Variants in KIAA1217 observed in about 807,000 individuals in gnomAD.
KIAA1217 encodes the protein sickle tail protein homolog.
Under a neutral mutation model 163.9 loss-of-function variants are expected in KIAA1217, and 88 were observed. The observed-to-expected ratio is 0.54, with a 90% CI of 0.45 to 0.64. The LOEUF is 0.64. Among genes scored for constraint, KIAA1217 ranks in the 30% least tolerant of loss-of-function variants. KIAA1217 has a pLI of 0.00. For missense variants in KIAA1217, 2,372 were observed against 2,475.0 expected, an observed-to-expected ratio of 0.96 and a Z score of 0.88; for synonymous variants, 903 against 923.1, an observed-to-expected ratio of 0.98 and a Z score of 0.39.
At chr10:24,008,839 G>A (rs949133253) in intron 2 of KIAA1217, among the ~76,000 whole-genome samples, 3 of 152,192 alleles carry the variant, frequency 2.0e-5, no homozygotes, top group African/African-American at 7.2e-5. Flanking sequence ...AGACCTGGCA[G>A]TCAATATGAT....
chr10:24,312,244 G>A (rs1590858440), intron 2 of KIAA1217, among the ~76,000 whole-genome samples: 1 of 151,762 alleles, frequency 6.6e-6, no homozygotes, highest in Admixed American at 6.6e-5. Flanking sequence ...ACACAGACAT[G>A]GCCGGAAGCC....
chr10:23,716,077 C>T (rs574789226), intron 1 of KIAA1217, among the ~76,000 whole-genome samples: 5 of 152,202 alleles, frequency 3.3e-5, no homozygotes, highest in African/African-American at 7.2e-5. Context: ...TAAGCTTTTA[C>T]GGAAGCGTTC....
chr10:23,742,821 G>A (rs569423206), intron 1 of KIAA1217, among the ~76,000 whole-genome samples: 2 of 152,300 alleles, frequency 1.3e-5, no homozygotes, highest in South Asian at 4.1e-4. Context: ...GAACAGCCAA[G>A]GTACAATGAA....
intron 2 of KIAA1217, among the ~76,000 whole-genome samples, chr10:24,093,297 A>C (rs967598683): frequency 4.0e-5 from 6 of 151,628 alleles, no homozygotes. Context: ...CAGCCTCCCT[A>C]GTAGCTGGGA....
intron 2 of KIAA1217, among the ~76,000 whole-genome samples, chr10:24,110,546 C>A (rs2062807228): frequency 6.6e-6 from 1 of 151,702 alleles, no homozygotes; most frequent in Admixed American, 6.6e-5. Flanking sequence ...TATGCAAAAT[C>A]CTGCCCAGTA....
chr10:24,547,153 C>G lies in KIAA1217; in HGVS notation c.*829C>G, dbSNP rs1315267405. ...CTTTTGTTTTCTGAGACCTGGTAAC[C>G]CACGCTCTTGCATTGTGGATTTTAA... On this transcript the variant is annotated 3_prime_UTR_variant, in exon 21 of 21. Coordinates refer to ENST00000376454, the MANE Select transcript of KIAA1217 (RefSeq NM_019590.5). 6.6e-6 allele frequency: 1 copy of G among 151,296 alleles called. No individual in the cohort carries two copies. The highest frequency in any genetic ancestry group is 1.5e-5 in the Non-Finnish European group (1 of 67,876). 9.4% of individuals were successfully genotyped at this position (151,296 alleles called of 1,614,324 possible).
At chr10:24,477,334 C>G (rs2064157563) in intron 6 of KIAA1217, among the ~76,000 whole-genome samples, 1 of 152,146 alleles carries the variant, frequency 6.6e-6, no homozygotes, top group African/African-American at 2.4e-5. Flanking sequence ...TCATCATCTC[C>G]TTTTTACAGA....
chr10:24,320,624 A>G (rs915832047), intron 2 of KIAA1217, among the ~76,000 whole-genome samples: 2 of 152,226 alleles, frequency 1.3e-5, no homozygotes, highest in African/African-American at 4.8e-5. Flanking sequence ...CTGAGAAAAC[A>G]CTGTCATTTT....
chr10:23,815,540 A>T (rs1235267076), intron 1 of KIAA1217, among the ~76,000 whole-genome samples: 1 of 152,154 alleles, frequency 6.6e-6, no homozygotes, highest in Non-Finnish European at 1.5e-5. Context: ...GCTACTCAGG[A>T]GGCTGAGGCA....
At chr10:24,520,627 CAAAAAAAAA>C (rs71472812) in intron 11 of KIAA1217, among the ~76,000 whole-genome samples, 498 of 44,840 alleles carry the variant, frequency 0.011, 3 homozygotes, top group Middle Eastern at 0.048. Context: ...ACATCTCTAC[CAAAAAAAAA>C]AAAAAAAAAA....
chr10:23,718,267 G>T (rs1355992001), intron 1 of KIAA1217, among the ~76,000 whole-genome samples: 1 of 152,100 alleles, frequency 6.6e-6, no homozygotes, highest in Admixed American at 6.5e-5. Context: ...CTTCTGAAAT[G>T]GTCCTTCATC....
chr10:24,175,599 G>T (rs2131929774), intron 2 of KIAA1217, among the ~76,000 whole-genome samples: 1 of 152,102 alleles, frequency 6.6e-6, no homozygotes, highest in Non-Finnish European at 1.5e-5. Flanking sequence ...TGGGTTCTTG[G>T]GCTCACTGAC....
chr10:24,528,305 T>C (rs2072520891), intron 14 of KIAA1217, among the ~76,000 whole-genome samples, 186 bp downstream of exon 14: 1 of 128,724 alleles, frequency 7.8e-6, no homozygotes, highest in Non-Finnish European at 1.8e-5. Context: ...ATCTCTCTCT[T>C]TTTGTTTTTT....
At chr10:24,112,578 T>A (rs10828603) in intron 2 of KIAA1217, among the ~76,000 whole-genome samples, 21,703 of 151,936 alleles carry the variant, frequency 0.14, 2,356 homozygotes, top group African/African-American at 0.3. Flanking sequence ...AGTGCTCTTT[T>A]TTTTATTTTA....
chr10:24,212,961 G>A (rs1413965867), intron 1 of KIAA1217, among the ~76,000 whole-genome samples: 4 of 152,132 alleles, frequency 2.6e-5, no homozygotes, highest in Non-Finnish European at 5.9e-5. Context: ...CTATAGATAA[G>A]GATCCCTAGG....
chr10:24,414,669 G>A (rs2058079577), intron 3 of KIAA1217, among the ~76,000 whole-genome samples: 2 of 152,154 alleles, frequency 1.3e-5, no homozygotes, highest in East Asian at 1.9e-4. Flanking sequence ...GAAGATCTGG[G>A]GACATGGACC....
At chr10:24,003,559 A>C (rs967640657) in intron 1 of KIAA1217, among the ~76,000 whole-genome samples, 1 of 152,108 alleles carries the variant, frequency 6.6e-6, no homozygotes, top group South Asian at 2.1e-4. Flanking sequence ...ACTTTCTTGC[A>C]TTTCTATCTA....
intron 5 of KIAA1217, among the ~76,000 whole-genome samples, chr10:24,458,914 T>G (rs2062068015): frequency 6.6e-6 from 1 of 152,158 alleles, no homozygotes; most frequent in Non-Finnish European, 1.5e-5. Context: ...CATTACTATG[T>G]CCCTCTACTC....
intron 1 of KIAA1217, among the ~76,000 whole-genome samples, chr10:23,724,075 C>G (rs929533860): frequency 1.3e-5 from 2 of 152,088 alleles, no homozygotes; most frequent in African/African-American, 4.8e-5. Flanking sequence ...TCACTCACTC[C>G]TAAGAACTCA....
Sources: gnomAD v4.1 joint callset for allele counts (sites outside exome capture counted in the v4.1 genomes callset) on GRCh38, gnomAD v4.1.1 for gene constraint, MANE v1.5 for transcripts, NCBI Gene and HGNC (gene_info 2026-07-23, HGNC 2026-07-21) for gene names.